Variants in GRM7 observed in about 807,000 individuals in gnomAD.
GRM7 encodes the protein glutamate metabotropic receptor 7.
In GRM7, 35 loss-of-function variants were observed where a neutral mutation model predicts 84.5. The ratio of observed to expected loss-of-function variants is 0.41; its 90% CI spans 0.32 to 0.55. GRM7 has a LOEUF of 0.55. Ranked by LOEUF, GRM7 falls within the 20% of genes least tolerant of loss-of-function variation. The pLI, the probability that GRM7 is intolerant of heterozygous loss-of-function variation, is 0.19. For synonymous variants in GRM7, 487 were observed against 455.1 expected (o/e 1.07, Z -0.89); for missense variants, 1,003 against 1,194.6 (o/e 0.84, Z 2.36).
intron 7 of GRM7, among the ~76,000 whole-genome samples, chr3:7,555,439 G>C (rs1693712376): frequency 6.6e-6 from 1 of 152,110 alleles, no homozygotes; most frequent in Admixed American, 6.5e-5. Context: ...CTACAAACAA[G>C]GACTCCAATG....
chr3:7,103,048 C>T (rs939149946), intron 1 of GRM7, among the ~76,000 whole-genome samples: 3 of 151,822 alleles, frequency 2.0e-5, no homozygotes, highest in South Asian at 2.1e-4. Context: ...TTTAGAAGCC[C>T]GTTTCCACTG....
intron 5 of GRM7, among the ~76,000 whole-genome samples, chr3:7,439,444 C>G (rs1270267206): frequency 1.3e-5 from 2 of 152,174 alleles, no homozygotes; most frequent in African/African-American, 4.8e-5. Flanking sequence ...GGTTGATACT[C>G]TGGCTACTAC....
chr3:7,535,525 A>G (rs1010892379), intron 7 of GRM7, among the ~76,000 whole-genome samples: 6 of 152,182 alleles, frequency 3.9e-5, no homozygotes, highest in Non-Finnish European at 7.3e-5. Flanking sequence ...AGGCACCTCT[A>G]TTCACCTGGC....
chr3:7,141,885 A>T (rs188795060), intron 1 of GRM7, among the ~76,000 whole-genome samples: 2 of 152,266 alleles, frequency 1.3e-5, no homozygotes, highest in Admixed American at 1.3e-4. Context: ...GAAGGAAAAA[A>T]GTATAGATTA....
intron 1 of GRM7, among the ~76,000 whole-genome samples, chr3:7,134,393 G>T (rs943164257): frequency 1.3e-5 from 2 of 151,650 alleles, no homozygotes; most frequent in Non-Finnish European, 2.9e-5. Flanking sequence ...AGATAACTAG[G>T]TTTCCCCACT....
intron 1 of GRM7, among the ~76,000 whole-genome samples, chr3:7,111,012 G>A (rs1272372822): frequency 6.6e-6 from 1 of 152,078 alleles, no homozygotes; most frequent in African/African-American, 2.4e-5. Flanking sequence ...CATAGAACAA[G>A]GGAAAGAGCT....
chr3:6,958,295 C>T (rs1045852720), intron 1 of GRM7, among the ~76,000 whole-genome samples: 15 of 151,106 alleles, frequency 9.9e-5, no homozygotes, highest in African/African-American at 3.7e-4. Context: ...GTTTGAGATA[C>T]ATCTGTGCTA....
At chr3:7,212,622 A>G (rs988951216) in intron 2 of GRM7, among the ~76,000 whole-genome samples, 1 of 152,238 alleles carries the variant, frequency 6.6e-6, no homozygotes, top group African/African-American at 2.4e-5. Context: ...ATTTTGTACA[A>G]TGTAGCTTCC....
At chr3:7,644,947 C>A (rs1224582769) in intron 8 of GRM7, among the ~76,000 whole-genome samples, 1 of 152,140 alleles carries the variant, frequency 6.6e-6, no homozygotes, top group African/African-American at 2.4e-5. Flanking sequence ...TGGTTCTCCA[C>A]TGAGACTCAC....
At chr3:7,667,722 T>C (rs1266337265) in intron 8 of GRM7, among the ~76,000 whole-genome samples, 1 of 152,204 alleles carries the variant, frequency 6.6e-6, no homozygotes, top group East Asian at 1.9e-4. Context: ...ATTTTGTAGA[T>C]CACTTTTATA....
chr3:7,550,279 C>G (rs2125024694), intron 7 of GRM7, among the ~76,000 whole-genome samples: 1 of 140,790 alleles, frequency 7.1e-6, no homozygotes, highest in Middle Eastern at 3.6e-3. Context: ...ACCCCCTCCT[C>G]CCCCTCCTCT....
intron 7 of GRM7, among the ~76,000 whole-genome samples, chr3:7,476,188 C>A (rs1320288673): frequency 6.6e-6 from 1 of 152,166 alleles, no homozygotes; most frequent in Non-Finnish European, 1.5e-5. Flanking sequence ...TTCATCCCCC[C>A]ATCTGCAAAA....
At position 7,440,643 on chromosome 3, in the gene GRM7, C is replaced by T. The variant is rs140676707; in HGVS notation, c.1175-11964C>T. The stretch of plus-strand genomic sequence containing the variant: ...GTATCCGACAGGTAGTTTTTCAGTT[C>T]TCATCTTCTAGCCTCAAATAGGCCC... On this transcript the variant is annotated intron_variant, in intron 5 of 9. Coordinates refer to ENST00000357716, the MANE Select transcript of GRM7 (RefSeq NM_000844.4). 3.6e-4 allele frequency among the ~76,000 whole-genome samples: 55 copies of T among 152,240 alleles called. 2 individuals carry two copies. In the East Asian group the frequency reaches 8.7e-3, roughly 24 times the overall value.
chr3:7,554,391 C>T (rs1693657357), intron 7 of GRM7, among the ~76,000 whole-genome samples: 1 of 152,114 alleles, frequency 6.6e-6, no homozygotes. Flanking sequence ...TGGACTCTTG[C>T]TAGTCGCTTG....
At chr3:7,249,628 A>G (rs1032266831) in intron 2 of GRM7, among the ~76,000 whole-genome samples, 18 of 152,240 alleles carry the variant, frequency 1.2e-4, no homozygotes, top group Non-Finnish European at 2.1e-4. Context: ...AAATGACTGC[A>G]TCAGCAAAAT....
At chr3:7,358,296 C>T (rs552388692) in intron 4 of GRM7, among the ~76,000 whole-genome samples, 10 of 152,218 alleles carry the variant, frequency 6.6e-5, no homozygotes, top group Admixed American at 2.6e-4. Flanking sequence ...CAAGGGCAGA[C>T]TAAATTACAA....
intron 1 of GRM7, among the ~76,000 whole-genome samples, chr3:6,952,960 A>G (rs1692851497): frequency 6.6e-6 from 1 of 152,222 alleles, no homozygotes; most frequent in Non-Finnish European, 1.5e-5. Context: ...TTGACTGCAC[A>G]ATACAACAAC....
intron 1 of GRM7, among the ~76,000 whole-genome samples, chr3:7,142,130 G>T (rs967077390): frequency 4.6e-5 from 7 of 151,638 alleles, no homozygotes; most frequent in African/African-American, 1.7e-4. Flanking sequence ...GCTTAGGTTA[G>T]GTCAAATATT....
At chr3:6,867,559 A>T (rs1694979722) in intron 1 of GRM7, among the ~76,000 whole-genome samples, 1 of 152,190 alleles carries the variant, frequency 6.6e-6, no homozygotes, top group Non-Finnish European at 1.5e-5. Flanking sequence ...GGTATAATGG[A>T]ATACAAAGTA....
Sources: gnomAD v4.1 joint callset for allele counts (sites outside exome capture counted in the v4.1 genomes callset) on GRCh38, gnomAD v4.1.1 for gene constraint, MANE v1.5 for transcripts, NCBI Gene and HGNC (gene_info 2026-07-23, HGNC 2026-07-21) for gene names.